The following ASPRV1 variants were observed in gnomAD, a reference collection of about 807,000 sequenced individuals.
ASPRV1 encodes the protein aspartic peptidase retroviral like 1.
A neutral mutation model predicts 11.0 loss-of-function variants in ASPRV1; 7 were observed. The ratio of observed to expected loss-of-function variants is 0.64; its 90% CI spans 0.36 to 1.20. ASPRV1 has a LOEUF of 1.20. Among genes scored for constraint, ASPRV1 ranks in the 50% most tolerant of loss-of-function variants. The pLI, the probability that ASPRV1 is intolerant of heterozygous loss-of-function variation, is 0.02. For synonymous variants in ASPRV1, 136 were observed against 138.4 expected (o/e 0.98, Z 0.12); for missense variants, 299 against 320.0 (o/e 0.93, Z 0.50).
At chr2:69,935,958 C>T in the ASPRV1 span, among the ~76,000 whole-genome samples, 1 of 152,096 alleles carries the variant, frequency 6.6e-6, no homozygotes, top group Admixed American at 6.6e-5. Flanking sequence ...ACCTGGTCTG[C>T]CCCAGATTCT....
chr2:69,957,190 CTTG>C (rs147818944), downstream of ASPRV1, among the ~76,000 whole-genome samples: 1,449 of 151,974 alleles, frequency 9.5e-3, 22 homozygotes, highest in African/African-American at 0.032. Context: ...AGAGAATGCC[CTTG>C]TTGTTGTTGT....
At chr2:70,015,052 A>G in the ASPRV1 span, among the ~76,000 whole-genome samples, 1 of 152,220 alleles carries the variant, frequency 6.6e-6, no homozygotes, top group African/African-American at 2.4e-5. Context: ...TAATCATTAG[A>G]GAAATGCAAA....
chr2:69,999,085 A>G, the ASPRV1 span, among the ~76,000 whole-genome samples: 1 of 152,160 alleles, frequency 6.6e-6, no homozygotes. Flanking sequence ...TACAGATTCC[A>G]TCTAGATTAA....
the ASPRV1 span, chr2:69,976,812 CAGAG>C: frequency 1.3e-5 from 2 of 152,446 alleles, no homozygotes; most frequent in African/African-American, 2.4e-5. Context: ...AAAGCACACA[CAGAG>C]AGAGTCCCAA....
the ASPRV1 span, among the ~76,000 whole-genome samples, chr2:70,019,540 A>G: frequency 6.6e-6 from 1 of 152,230 alleles, no homozygotes; most frequent in Non-Finnish European, 1.5e-5. Flanking sequence ...GAATGGATAA[A>G]GAAAATGTGG....
At chr2:69,974,278 A>G in the ASPRV1 span, among the ~76,000 whole-genome samples, 1 of 152,116 alleles carries the variant, frequency 6.6e-6, no homozygotes, top group Non-Finnish European at 1.5e-5. Flanking sequence ...CGGAGGTTGC[A>G]ATGAGCTGAG....
At chr2:69,977,202 A>C in the ASPRV1 span, among the ~76,000 whole-genome samples, 9 of 152,118 alleles carry the variant, frequency 5.9e-5, no homozygotes, top group Non-Finnish European at 8.8e-5. Flanking sequence ...AAAGGAAAAA[A>C]ATTGGGCAAA....
At chr2:70,078,331 T>C in the ASPRV1 span, among the ~76,000 whole-genome samples, 3 of 152,128 alleles carry the variant, frequency 2.0e-5, no homozygotes, top group Non-Finnish European at 2.9e-5. Flanking sequence ...ACACAATGCC[T>C]GGCACAAGCA....
At chr2:69,961,756 A>G, upstream of ASPRV1, 1 of 1,479,354 alleles carries the variant, frequency 6.8e-7, no homozygotes, top group South Asian at 1.4e-5. Flanking sequence ...CCGGACTAGC[A>G]GGATGGGTGC....
At chr2:69,961,836 G>T, upstream of ASPRV1, 2 of 846,820 alleles carry the variant, frequency 2.4e-6, no homozygotes, top group Non-Finnish European at 3.8e-6. Context: ...AGCCTCTGTT[G>T]AAGGGGGACT....
chr2:69,942,667 T>A, the ASPRV1 span: 1 of 152,358 alleles, frequency 6.6e-6, no homozygotes, highest in African/African-American at 2.4e-5. Flanking sequence ...ATATTGCTGT[T>A]ACCATCATTT....
chr2:70,025,095 T>TA, the ASPRV1 span, among the ~76,000 whole-genome samples: 1 of 152,238 alleles, frequency 6.6e-6, no homozygotes, highest in African/African-American at 2.4e-5. Flanking sequence ...TTAAATTTGT[T>TA]ATTATTTTCA....
chr2:70,051,026 A>C, the ASPRV1 span: 1 of 152,210 alleles, frequency 6.6e-6, no homozygotes, highest in African/African-American at 2.4e-5. Flanking sequence ...TGAAAATTCA[A>C]CCTTTAATAC....
At chr2:69,955,064 T>C in the ASPRV1 span, among the ~76,000 whole-genome samples, 2 of 152,228 alleles carry the variant, frequency 1.3e-5, no homozygotes, top group Admixed American at 6.5e-5. Flanking sequence ...CAGCTTTTCT[T>C]GCTACCCAGC....
the ASPRV1 span, chr2:69,942,923 A>G: frequency 6.6e-6 from 1 of 152,224 alleles, no homozygotes; most frequent in African/African-American, 2.4e-5. Flanking sequence ...AACAAATAAT[A>G]AATTATTTCA....
At chr2:70,034,061 G>A in the ASPRV1 span, among the ~76,000 whole-genome samples, 1 of 150,216 alleles carries the variant, frequency 6.7e-6, no homozygotes, top group African/African-American at 2.5e-5. Context: ...GGCTGAGGCA[G>A]GAGAATGGCG....
At chr2:69,951,580 T>G in the ASPRV1 span, among the ~76,000 whole-genome samples, 1 of 149,968 alleles carries the variant, frequency 6.7e-6, no homozygotes, top group Non-Finnish European at 1.5e-5. Flanking sequence ...TATATAAACA[T>G]ATATATAGAT....
the ASPRV1 span, among the ~76,000 whole-genome samples, chr2:69,934,674 T>TA: frequency 6.6e-6 from 1 of 152,246 alleles, no homozygotes; most frequent in Non-Finnish European, 1.5e-5. Context: ...CCTCCATCTT[T>TA]AAGATAGCAT....
At chr2:69,947,975 G>A in the ASPRV1 span, among the ~76,000 whole-genome samples, 53 of 152,200 alleles carry the variant, frequency 3.5e-4, no homozygotes, top group African/African-American at 7.2e-5. Context: ...GAGAAAGTTC[G>A]TTGGATTGCA....
Sources: allele counts gnomAD v4.1 joint callset (sites outside exome capture counted in the v4.1 genomes callset), GRCh38; gene constraint gnomAD v4.1.1; transcripts MANE v1.5; gene names NCBI Gene and HGNC (gene_info 2026-07-23, HGNC 2026-07-21).